KIF26B: variants seen among roughly 807,000 people sequenced by gnomAD.
The protein encoded by KIF26B is kinesin family member 26B.
In KIF26B, 63 loss-of-function variants were observed where a neutral mutation model predicts 151.2. That is an observed-to-expected ratio of 0.42 (90% CI 0.34 to 0.51). The LOEUF (loss-of-function observed/expected upper bound fraction) is 0.51, where lower values mean the gene tolerates loss of function less well. KIF26B is among the 20% of genes least tolerant of loss of function. KIF26B has a pLI of 0.07. For missense variants in KIF26B, 2,813 were observed against 2,913.6 expected (o/e 0.97, Z 0.79); for synonymous variants, 1,357 against 1,262.1 (o/e 1.08, Z -1.59).
intron 4 of KIF26B, among the ~76,000 whole-genome samples, chr1:245,459,679 C>T (rs528266708): frequency 2.0e-5 from 3 of 152,174 alleles, no homozygotes; most frequent in South Asian, 2.1e-4. Flanking sequence ...AAGGAGTGAA[C>T]GGGCACTTTG....
chr1:245,239,858 T>C lies in KIF26B; in HGVS notation c.465+83175T>C, dbSNP rs949167775. On this transcript the variant is annotated intron_variant, in intron 2 of 14. Coordinates refer to ENST00000407071, the MANE Select transcript of KIF26B (RefSeq NM_018012.4). The surrounding 1 kb of genome is among the most constrained non-coding windows in gnomAD (Gnocchi z 4.3). ...TTCCAAAAGTTGTCTTTCCTGACAGTGTATTTTTATTTTACTATATAAAGA... is the reference window on the plus strand; with the variant it reads ...TTCCAAAAGTTGTCTTTCCTGACAGCGTATTTTTATTTTACTATATAAAGA... 6.6e-6 allele frequency among the ~76,000 whole-genome samples: 1 copy of C among 152,138 alleles called. No homozygotes were observed. Among genetic ancestry groups the C allele is most frequent in the African/African-American group, 2.4e-5 (1 of 41,438 alleles).
intron 9 of KIF26B, among the ~76,000 whole-genome samples, chr1:245,627,565 A>G (rs1234117232): frequency 6.6e-6 from 1 of 152,168 alleles, no homozygotes; most frequent in Non-Finnish European, 1.5e-5. Context: ...TAACATCACA[A>G]TTAAAAGAAC....
At chr1:245,394,167 T>TA (rs1291743415) in intron 3 of KIF26B, among the ~76,000 whole-genome samples, 3 of 152,214 alleles carry the variant, frequency 2.0e-5, no homozygotes, top group Non-Finnish European at 4.4e-5. Flanking sequence ...CTCCAGCTGT[T>TA]AAAATCCTGT....
At chr1:245,210,792 T>C (rs1235553312) in intron 2 of KIF26B, among the ~76,000 whole-genome samples, 1 of 152,018 alleles carries the variant, frequency 6.6e-6, no homozygotes, top group Non-Finnish European at 1.5e-5. Context: ...CCCAAGCCCG[T>C]CCTCAGCCAG....
At chr1:245,598,223 G>T (rs1309397804) in intron 5 of KIF26B, among the ~76,000 whole-genome samples, 1 of 152,106 alleles carries the variant, frequency 6.6e-6, no homozygotes, top group East Asian at 1.9e-4. Context: ...CAAGACTCGG[G>T]TTCCTGTGTG....
intron 2 of KIF26B, among the ~76,000 whole-genome samples, chr1:245,246,098 GAAA>G (rs199908845): frequency 1.6e-4 from 5 of 32,246 alleles, no homozygotes; most frequent in African/African-American, 4.5e-4. Flanking sequence ...TCTCAAAAAA[GAAA>G]AAAAAAAAAA....
intron 9 of KIF26B, among the ~76,000 whole-genome samples, chr1:245,631,473 C>A (rs1239625050): frequency 1.3e-5 from 2 of 152,080 alleles, no homozygotes; most frequent in African/African-American, 4.8e-5. Context: ...TAGGATAAAT[C>A]CCACTTGATT....
intron 6 of KIF26B, among the ~76,000 whole-genome samples, chr1:245,605,197 A>G (rs1038533148): frequency 2.0e-5 from 3 of 151,558 alleles, no homozygotes; most frequent in Admixed American, 2.0e-4. Flanking sequence ...GTTGACACAC[A>G]GGAAGTGCTC....
intron 12 of KIF26B, among the ~76,000 whole-genome samples, chr1:245,697,168 T>C (rs1019245490): frequency 3.3e-5 from 5 of 152,114 alleles, no homozygotes; most frequent in African/African-American, 1.2e-4. Flanking sequence ...GTTCACTCCA[T>C]AGAGAAAATT....
chr1:245,255,752 T>A lies in KIF26B; in HGVS notation c.465+99069T>A, dbSNP rs113931572. Among the ~76,000 whole-genome samples the A allele has an allele frequency of 5.4e-3, 816 of 152,312 alleles. 2 individuals are homozygous for A. The highest frequency in any genetic ancestry group is 9.4e-3 in the Non-Finnish European group (638 of 68,010). ...GCAGCAGTATATTATAGATGCAAAA[T>A]CTCACATAAAAACCATTTAAGAAAA... On this transcript the variant is annotated intron_variant, in intron 2 of 14. Transcript: ENST00000407071.
intron 3 of KIF26B, among the ~76,000 whole-genome samples, chr1:245,369,195 G>GAGAGACAGAC (rs375330671): frequency 1.5e-5 from 2 of 129,506 alleles, no homozygotes; most frequent in South Asian, 2.2e-4. Context: ...GAGAGAGAGA[G>GAGAGACAGAC]AGACAGACAG....
intron 2 of KIF26B, among the ~76,000 whole-genome samples, chr1:245,300,071 A>C (rs373267872): frequency 1.3e-5 from 2 of 152,256 alleles, no homozygotes; most frequent in Non-Finnish European, 2.9e-5. Context: ...GTGAAAACAC[A>C]GTGTCCTGCT....
rs559440996 is a variant in KIF26B, at chr1:245,702,754, C to T, written c.*148C>T. 1.4e-4 allele frequency: 119 copies of T among 859,502 alleles called. No individual in the cohort carries two copies. Among genetic ancestry groups the T allele is most frequent in the Non-Finnish European group, 1.8e-4 (104 of 586,718 alleles). 53.2% of individuals were successfully genotyped at this position (859,502 alleles called of 1,614,324 possible). On this transcript the variant is annotated 3_prime_UTR_variant, in exon 15 of 15. Coordinates refer to ENST00000407071, the MANE Select transcript of KIF26B (RefSeq NM_018012.4). The surrounding 1 kb of genome is among the most constrained non-coding windows in gnomAD (Gnocchi z 4.1). ...TCTGGAGCGGGCGTTGAGCGGAAGG[C>T]GAGTTTTCTTTTGTTTTCTGTAGGA...
intron 4 of KIF26B, among the ~76,000 whole-genome samples, chr1:245,439,363 AG>A (rs1216739867): frequency 1.3e-5 from 2 of 148,342 alleles, no homozygotes; most frequent in South Asian, 2.2e-4. Flanking sequence ...AAAAAAAAAA[AG>A]AAAAAAGAAA....
intron 2 of KIF26B, among the ~76,000 whole-genome samples, chr1:245,362,516 G>A (rs541841798): frequency 1.7e-4 from 25 of 149,726 alleles, no homozygotes; most frequent in Non-Finnish European, 2.7e-4. Flanking sequence ...CCAGTCTTGC[G>A]ACAGAGCAAG....
In KIF26B at chr1:245,367,417, C is replaced by A. The variant is rs748325345; in HGVS notation, c.999+50C>A. ...AGAGCAGGGCTGGCTGGAGTCAAAG[C>A]GGAGAAGTAGGCAGCACTTCCTTCC... is the stretch of plus-strand genomic sequence containing the variant. On this transcript the variant is annotated intron_variant, in intron 3 of 14. Coordinates refer to ENST00000407071, the MANE Select transcript of KIF26B (RefSeq NM_018012.4). This position sits in a 1 kb window ranked among gnomAD's most constrained non-coding sequence, Gnocchi z 4.2. 2 of 1,489,282 alleles carry A rather than the reference C, an allele frequency of 1.3e-6. No individual in the cohort carries two copies. Among genetic ancestry groups the A allele is most frequent in the East Asian group, 2.4e-5 (1 of 40,902 alleles). 92.3% of individuals were successfully genotyped at this position (1,489,282 alleles called of 1,614,324 possible).
chr1:245,315,765 C>T (rs1318936290), intron 2 of KIF26B, among the ~76,000 whole-genome samples: 4 of 151,144 alleles, frequency 2.6e-5, no homozygotes, highest in Admixed American at 1.3e-4. Context: ...TGGTGCACGT[C>T]GTGGTCCCAG....
At chr1:245,325,094 CAAAAA>C (rs57433161) in intron 2 of KIF26B, among the ~76,000 whole-genome samples, 2 of 96,572 alleles carry the variant, frequency 2.1e-5, no homozygotes, top group Non-Finnish European at 4.7e-5. Flanking sequence ...GACCTTGTCT[CAAAAA>C]AAAAAAAAAA....
chr1:245,316,718 G>A (rs925800023), intron 2 of KIF26B, among the ~76,000 whole-genome samples: 1 of 151,742 alleles, frequency 6.6e-6, no homozygotes. Flanking sequence ...GTCCTTGACT[G>A]GCTTGGATGG....
Sources: allele counts gnomAD v4.1 joint callset (sites outside exome capture counted in the v4.1 genomes callset), GRCh38; gene constraint gnomAD v4.1.1; non-coding constraint Gnocchi (gnomAD v3.1); transcripts MANE v1.5; gene names NCBI Gene and HGNC (gene_info 2026-07-23, HGNC 2026-07-21).